Variants in NPAS3 observed in about 807,000 individuals in gnomAD.
NPAS3 encodes the protein neuronal PAS domain protein 3.
NPAS3 carries 14 observed loss-of-function variants against 73.1 expected under a neutral mutation model. That is an observed-to-expected ratio of 0.19 (90% CI 0.13 to 0.30). The LOEUF (loss-of-function observed/expected upper bound fraction) is 0.30. Among genes scored for constraint, NPAS3 ranks in the 10% least tolerant of loss-of-function variants. The pLI is 1.00. For missense variants in NPAS3, 1,096 were observed against 1,250.0 expected, an observed-to-expected ratio of 0.88 and a Z score of 1.86; for synonymous variants, 620 against 541.5, an observed-to-expected ratio of 1.14 and a Z score of -2.01.
chr14:33,334,729 C>T (rs1293366114), intron 3 of NPAS3, among the ~76,000 whole-genome samples: 2 of 152,030 alleles, frequency 1.3e-5, no homozygotes, highest in African/African-American at 2.4e-5. Context: ...TTTTGGGGAA[C>T]CAGTTGTGTT....
chr14:33,574,912 A>AC (rs1372323867), intron 5 of NPAS3, among the ~76,000 whole-genome samples: 1 of 152,186 alleles, frequency 6.6e-6, no homozygotes, highest in Non-Finnish European at 1.5e-5. Flanking sequence ...TGAAACCAGA[A>AC]CAAGAGTATG....
intron 7 of NPAS3, among the ~76,000 whole-genome samples, chr14:33,763,243 C>G (rs554650080): frequency 6.6e-6 from 1 of 152,208 alleles, no homozygotes; most frequent in South Asian, 2.1e-4. Context: ...CTCCATAAAG[C>G]GAGACATTTC....
chr14:33,323,642 T>C (rs1419042534), intron 3 of NPAS3, among the ~76,000 whole-genome samples: 1 of 152,226 alleles, frequency 6.6e-6, no homozygotes, highest in Non-Finnish European at 1.5e-5. Flanking sequence ...AAAGGACTCT[T>C]AGAATACAAG....
chr14:33,665,339 A>G (rs1278082630), intron 5 of NPAS3, among the ~76,000 whole-genome samples: 1 of 152,092 alleles, frequency 6.6e-6, no homozygotes, highest in Non-Finnish European at 1.5e-5. Flanking sequence ...AGAAATACTT[A>G]ATGTAGATGA....
At chr14:33,520,665 A>G (rs1217871380) in intron 4 of NPAS3, among the ~76,000 whole-genome samples, 1 of 152,140 alleles carries the variant, frequency 6.6e-6, no homozygotes, top group Non-Finnish European at 1.5e-5. Context: ...TTCAGGAATA[A>G]AAACAACACA....
chr14:33,674,350 C>G (rs566996950), intron 5 of NPAS3, among the ~76,000 whole-genome samples: 1 of 152,178 alleles, frequency 6.6e-6, no homozygotes, highest in Non-Finnish European at 1.5e-5. Context: ...GAAATATTTA[C>G]GAAAGTGCTA....
chr14:33,504,275 C>A lies in NPAS3; in HGVS notation c.469-55846C>A, dbSNP rs577656325. Among the ~76,000 whole-genome samples the A allele has an allele frequency of 2.0e-5, 3 of 152,002 alleles. 1 individual carries two copies. Among genetic ancestry groups the A allele is most frequent in the South Asian group, 4.1e-4 (2 of 4,822 alleles). ...CTGTGAGCTGACTTACATTGCCAGG[C>A]CTTTTTTTCTTATGTTGTGTGTTAC... On this transcript the variant is annotated intron_variant, in intron 4 of 11. Coordinates refer to ENST00000356141, the Ensembl canonical transcript of NPAS3.
intron 2 of NPAS3, among the ~76,000 whole-genome samples, chr14:33,098,541 G>A (rs1344275467): frequency 6.6e-6 from 1 of 152,120 alleles, no homozygotes; most frequent in African/African-American, 2.4e-5. Context: ...AAGTCACACA[G>A]CTGGTAAAGT....
chr14:33,339,890 CATAAA>C (rs139709856), intron 3 of NPAS3, among the ~76,000 whole-genome samples: 6,973 of 152,120 alleles, frequency 0.046, 246 homozygotes, highest in Non-Finnish European at 0.07. Context: ...ATATATGACA[CATAAA>C]ATATAATATA....
chr14:33,329,026 G>C (rs565784642), intron 3 of NPAS3, among the ~76,000 whole-genome samples: 12 of 151,456 alleles, frequency 7.9e-5, no homozygotes, highest in South Asian at 2.1e-4. Context: ...ATTTTTTTTG[G>C]CATTAATTTT....
intron 1 of NPAS3, among the ~76,000 whole-genome samples, chr14:32,973,065 G>A (rs2037505169): frequency 6.6e-6 from 1 of 152,174 alleles, no homozygotes; most frequent in Non-Finnish European, 1.5e-5. Flanking sequence ...GACTGTTAGG[G>A]TGGGGAAAAT....
At chr14:33,492,650 T>C (rs1172120519) in intron 4 of NPAS3, among the ~76,000 whole-genome samples, 1 of 152,198 alleles carries the variant, frequency 6.6e-6, no homozygotes, top group African/African-American at 2.4e-5. Context: ...TGGCTCCTCT[T>C]GGTAACGGAA....
At chr14:33,150,675 G>A (rs1291494684) in intron 2 of NPAS3, among the ~76,000 whole-genome samples, 1 of 150,966 alleles carries the variant, frequency 6.6e-6, no homozygotes, top group Non-Finnish European at 1.5e-5. Context: ...TATTTCTTCT[G>A]TATTCAGAAA....
chr14:33,801,013 G>T, exon 12 of NPAS3: 1 of 1,589,728 alleles, frequency 6.3e-7, no homozygotes, highest in Non-Finnish European at 8.6e-7. Context: ...CCGGCAACGT[G>T]TTCACCACGG....
chr14:33,220,639 TGA>T (rs2047389816), intron 3 of NPAS3, among the ~76,000 whole-genome samples: 1 of 152,212 alleles, frequency 6.6e-6, no homozygotes, highest in South Asian at 2.1e-4. Flanking sequence ...GGCTAAATGA[TGA>T]GAGAGTATGT....
chr14:33,217,913 A>G (rs1341344598), intron 3 of NPAS3, among the ~76,000 whole-genome samples: 1 of 152,182 alleles, frequency 6.6e-6, no homozygotes, highest in Non-Finnish European at 1.5e-5. Flanking sequence ...TGTCATTACT[A>G]CAGATAATAT....
chr14:33,085,691 G>A (rs1352803036), intron 2 of NPAS3, among the ~76,000 whole-genome samples: 1 of 151,954 alleles, frequency 6.6e-6, no homozygotes, highest in Non-Finnish European at 1.5e-5. Flanking sequence ...CGTTTTTCTT[G>A]TGAAAAGACA....
chr14:33,740,451 T>C (rs2061628204), intron 7 of NPAS3, among the ~76,000 whole-genome samples: 1 of 152,224 alleles, frequency 6.6e-6, no homozygotes, highest in Non-Finnish European at 1.5e-5. Context: ...CAATAAATGT[T>C]GATTTAATTG....
intron 3 of NPAS3, among the ~76,000 whole-genome samples, chr14:33,283,394 G>A (rs1224115276): frequency 6.6e-6 from 1 of 152,202 alleles, no homozygotes; most frequent in Non-Finnish European, 1.5e-5. Context: ...CAGTCTTCAA[G>A]TATTTGGGTT....
Sources: allele counts gnomAD v4.1 joint callset (sites outside exome capture counted in the v4.1 genomes callset), GRCh38; gene constraint gnomAD v4.1.1; transcripts MANE v1.5; gene names NCBI Gene and HGNC (gene_info 2026-07-23, HGNC 2026-07-21).